Variants in LMCD1 observed in about 807,000 individuals in gnomAD.
LMCD1 encodes the protein LIM and cysteine-rich domains protein 1.
In LMCD1, 32 loss-of-function variants were observed where a neutral mutation model predicts 42.7. The observed-to-expected ratio is 0.75, with a 90% CI of 0.57 to 1.01. The LOEUF is 1.01. Among genes scored for constraint, LMCD1 ranks in the 50% least tolerant of loss-of-function variants. LMCD1 has a pLI of 0.00. For synonymous variants in LMCD1, 178 were observed against 184.9 expected (o/e 0.96, Z 0.30); for missense variants, 458 against 483.1 (o/e 0.95, Z 0.49).
intron 4 of LMCD1, among the ~76,000 whole-genome samples, chr3:8,563,844 T>C (rs1176537938): frequency 1.3e-5 from 2 of 152,184 alleles, no homozygotes; most frequent in Non-Finnish European, 2.9e-5. Context: ...CCTTGAAGGA[T>C]GTGATAAGAG....
chr3:8,558,079 G>A (rs1407481845), intron 4 of LMCD1, among the ~76,000 whole-genome samples: 4 of 152,146 alleles, frequency 2.6e-5, no homozygotes, highest in Non-Finnish European at 1.5e-5. Context: ...AGAGCCCAGG[G>A]GAAAACACTG....
rs754867974 is a variant in LMCD1 at position 8,537,409 on chromosome 3, A to G, written c.356A>G (p.Glu119Gly). 2 of 1,606,540 alleles carry G rather than the reference A, an allele frequency of 1.2e-6. No individual in the cohort carries two copies. Among genetic ancestry groups the G allele is most frequent in the Middle Eastern group, 3.3e-4 (2 of 6,032 alleles). The change falls in exon 3 of 6, where the codon GAG becomes GGG. Residue 119 changes from glutamate to glycine, a missense_variant. Coordinates refer to ENST00000157600, the MANE Select transcript of LMCD1 (RefSeq NM_014583.4). ...CCCACTTTTGACACCATCACCTACG[A>G]GTGGGCTCCCCCTGGAGTCACCCAG... ...KDPTFDTITY[E>G]WAPPGVTQKL...
Position 8,549,917 on chromosome 3 carries a change from A to C in LMCD1, c.723+1014A>C, listed in dbSNP as rs774280356. ...TGATAACCCATTAATCTATTAAGCC[A>C]TAAGTGGATTAATCCATTCCTGAGG... On this transcript the variant is annotated intron_variant, in intron 4 of 5. Coordinates refer to ENST00000157600, the MANE Select transcript of LMCD1 (RefSeq NM_014583.4). The C allele has an allele frequency of 4.0e-4, 322 of 813,706 alleles. 1 individual carries two copies. Among genetic ancestry groups the C allele is most frequent in the Middle Eastern group, 1.5e-3 (7 of 4,618 alleles). The allele number at this position is 813,706 out of a possible 1,614,324, so 50.4% of individuals were successfully genotyped here. A position where few individuals can be genotyped will look rare whatever the true frequency, so the allele number is the denominator to read the frequency against.
intron 4 of LMCD1, chr3:8,550,217 G>A: frequency 4.2e-6 from 5 of 1,198,036 alleles, no homozygotes; most frequent in Non-Finnish European, 5.2e-6. Context: ...GGACCACGTG[G>A]GTCTAGCGTG....
chr3:8,528,915 A>G (rs1031510171), intron 1 of LMCD1, among the ~76,000 whole-genome samples: 7 of 152,084 alleles, frequency 4.6e-5, no homozygotes, highest in African/African-American at 1.2e-4. Context: ...TTTCACGATA[A>G]TATCAAATGA....
At chr3:8,502,347 A>AATATATAATATATATTATATAAAAT (rs1693761927) in intron 1 of LMCD1, among the ~76,000 whole-genome samples, 31 of 22,220 alleles carry the variant, frequency 1.4e-3, no homozygotes, top group African/African-American at 5.7e-3. Context: ...TTATATATAA[A>AATATATAATATATATTATATAAAAT]ATATATAATA....
At chr3:8,513,713 AGTT>A (rs1694044671) in intron 1 of LMCD1, among the ~76,000 whole-genome samples, 1 of 152,198 alleles carries the variant, frequency 6.6e-6, no homozygotes, top group Admixed American at 6.5e-5. Flanking sequence ...TTATTTGTAA[AGTT>A]GTCATCGCTT....
At chr3:8,549,719 C>A (rs1574969750) in intron 4 of LMCD1, among the ~76,000 whole-genome samples, 1 of 152,116 alleles carries the variant, frequency 6.6e-6, no homozygotes, top group South Asian at 2.1e-4. Flanking sequence ...GTATTTCATA[C>A]ATCTGTGGAG....
intron 1 of LMCD1, among the ~76,000 whole-genome samples, chr3:8,503,729 A>T (rs950980353): frequency 6.6e-6 from 1 of 152,156 alleles, no homozygotes; most frequent in African/African-American, 2.4e-5. Flanking sequence ...TGTAGCATTG[A>T]TATTTGTGTG....
Position 8,548,828 on chromosome 3 carries a change from A to G in LMCD1, c.648A>G (p.Glu216=), listed in dbSNP as rs767808082. 6.2e-7 allele frequency: 1 copy of G among 1,601,874 alleles called. No individual in the cohort carries two copies. The highest frequency in any genetic ancestry group is 1.1e-5 in the South Asian group (1 of 89,770). The change falls in exon 4 of 6, where the codon GAA becomes GAG. Residue 216 remains glutamate (E), a synonymous_variant. Coordinates refer to ENST00000157600, the MANE Select transcript of LMCD1 (RefSeq NM_014583.4). Reference sequence around the variant, plus strand: ...CCAAGGAGGAGGGGAAGCAGCAGGAAAAGCCAGAGGGGGCAGAGACCACTG... The same window carrying G: ...CCAAGGAGGAGGGGAAGCAGCAGGAGAAGCCAGAGGGGGCAGAGACCACTG... ...GLPKEEGKQQ[E]KPEGAETTAA...
chr3:8,547,594 A>G (rs1017006103), intron 3 of LMCD1, among the ~76,000 whole-genome samples: 3 of 152,160 alleles, frequency 2.0e-5, no homozygotes, highest in Admixed American at 2.0e-4. Flanking sequence ...TGTGAATGTC[A>G]AAGAATGCAC....
intron 4 of LMCD1, among the ~76,000 whole-genome samples, chr3:8,556,811 T>G (rs943507635): frequency 2.0e-5 from 3 of 152,170 alleles, no homozygotes; most frequent in African/African-American, 7.2e-5. Context: ...TATGAAGCCT[T>G]TCCATCTCCC....
At position 8,537,344 on chromosome 3, in the gene LMCD1, C is replaced by T. The variant is rs1477390229; in HGVS notation, c.291C>T (p.Asn97=). ...ACGGCATCCGGATTTACAAGAGGAA[C>T]CGGATGATCATGACCAACCCTATTG... ...GGDGIRIYKR[N]RMIMTNPIAT... Residue 97 remains asparagine (N), a synonymous_variant, in exon 3 of 6, where the codon AAC becomes AAT. Coordinates refer to ENST00000157600, the MANE Select transcript of LMCD1 (RefSeq NM_014583.4). 1.2e-6 allele frequency: 2 copies of T among 1,614,178 alleles called. No homozygotes were observed. Among genetic ancestry groups the T allele is most frequent in the South Asian group, 1.1e-5 (1 of 91,078 alleles).
intron 1 of LMCD1, among the ~76,000 whole-genome samples, chr3:8,521,238 C>T (rs942703771): frequency 6.6e-6 from 1 of 152,152 alleles, no homozygotes; most frequent in African/African-American, 2.4e-5. Flanking sequence ...TCGTGTTCGC[C>T]CTGCCAACAG....
At chr3:8,545,502 T>C (rs1219167973) in intron 3 of LMCD1, among the ~76,000 whole-genome samples, 1 of 152,238 alleles carries the variant, frequency 6.6e-6, no homozygotes, top group Admixed American at 6.5e-5. Flanking sequence ...CTCTGGCCTT[T>C]CCTCAGATCT....
At chr3:8,554,682 C>CTGA (rs1402445685) in intron 4 of LMCD1, among the ~76,000 whole-genome samples, 1 of 152,168 alleles carries the variant, frequency 6.6e-6, no homozygotes, top group Non-Finnish European at 1.5e-5. Flanking sequence ...CTGGATGGAA[C>CTGA]TGATGGGCCC....
intron 3 of LMCD1, among the ~76,000 whole-genome samples, chr3:8,543,271 C>T (rs1024777945): frequency 1.3e-5 from 2 of 152,212 alleles, no homozygotes; most frequent in African/African-American, 4.8e-5. Context: ...CCACTTCTCA[C>T]TGTCTCTGAT....
At chr3:8,566,009 C>A (rs926163824) in intron 5 of LMCD1, among the ~76,000 whole-genome samples, 2 of 152,214 alleles carry the variant, frequency 1.3e-5, no homozygotes, top group African/African-American at 2.4e-5. Flanking sequence ...GGAGCCTCAG[C>A]TGAGTCTCAG....
intron 4 of LMCD1, among the ~76,000 whole-genome samples, chr3:8,551,958 A>G (rs1308549943): frequency 2.0e-5 from 3 of 152,226 alleles, no homozygotes; most frequent in Admixed American, 6.5e-5. Flanking sequence ...TTGAGAATAA[A>G]GGTGTGGGGA....
Sources: allele counts gnomAD v4.1 joint callset (sites outside exome capture counted in the v4.1 genomes callset), GRCh38; gene constraint gnomAD v4.1.1; transcripts MANE v1.5; gene names NCBI Gene and HGNC (gene_info 2026-07-23, HGNC 2026-07-21).